Variants in RBBP8 observed in about 807,000 individuals in gnomAD.
RBBP8 encodes RB binding protein 8, endonuclease, also known as DNA endonuclease RBBP8.
RBBP8 carries 88 observed loss-of-function variants against 108.3 expected under a neutral mutation model. The ratio of observed to expected loss-of-function variants is 0.81; its 90% CI spans 0.68 to 0.97. The LOEUF is 0.97. Ranked by LOEUF, RBBP8 falls within the 50% of genes least tolerant of loss-of-function variation. The pLI is 0.00. For synonymous variants in RBBP8, 332 were observed against 348.2 expected (o/e 0.95, Z 0.52); for missense variants, 1,023 against 1,049.0 (o/e 0.98, Z 0.34).
chr18:23,012,858 A>G (rs936585776), intron 16 of RBBP8, among the ~76,000 whole-genome samples: 20 of 152,300 alleles, frequency 1.3e-4, no homozygotes, highest in East Asian at 3.9e-4. Flanking sequence ...CTGGCTTCAG[A>G]GCTTCAAAGG....
At chr18:22,959,507 T>A (rs190212169) in intron 4 of RBBP8, among the ~76,000 whole-genome samples, 91 of 152,280 alleles carry the variant, frequency 6.0e-4, no homozygotes, top group African/African-American at 2.1e-3. Context: ...TTTCTGCCAC[T>A]TTCTCTATTT....
chr18:22,944,823 C>T (rs1417672085), intron 2 of RBBP8, among the ~76,000 whole-genome samples: 2 of 152,226 alleles, frequency 1.3e-5, no homozygotes, highest in Middle Eastern at 3.4e-3. Context: ...TAAATCATTA[C>T]TATGGAGGGC....
Position 22,950,289 on chromosome 18 carries a change from G to A in RBBP8, c.248+576G>A, listed in dbSNP as rs1022892535. 2.6e-5 allele frequency among the ~76,000 whole-genome samples: 4 copies of A among 152,134 alleles called. No individual in the cohort carries two copies. The East Asian group carries it at 7.7e-4, about 29-fold the overall frequency. ...ACCTATAAACTACCTACCTGCTATAGTAAACAATATTCCAGCCAAGCGTGG... is the reference window on the plus strand; with the variant it reads ...ACCTATAAACTACCTACCTGCTATAATAAACAATATTCCAGCCAAGCGTGG... On this transcript the variant is annotated intron_variant, in intron 4 of 18. Coordinates refer to ENST00000327155, the MANE Select transcript of RBBP8 (RefSeq NM_002894.3).
intron 4 of RBBP8, among the ~76,000 whole-genome samples, chr18:22,961,951 A>G (rs1265180827): frequency 1.3e-5 from 2 of 152,180 alleles, no homozygotes; most frequent in Non-Finnish European, 2.9e-5. Flanking sequence ...CACTGATCTA[A>G]CTATCTATTC....
At chr18:22,996,679 T>C (rs545693747) in intron 13 of RBBP8, among the ~76,000 whole-genome samples, 1 of 152,316 alleles carries the variant, frequency 6.6e-6, no homozygotes, top group Non-Finnish European at 1.5e-5. Context: ...AGGCCTTTAC[T>C]GAAAAATATT....
Position 22,992,771 on chromosome 18 carries a change from C to G in RBBP8, c.944C>G (p.Thr315Ser). Residue 315 changes from threonine to serine, a missense_variant, in exon 11 of 19, where the codon ACT becomes AGT. Physicochemically the swap from Thr to Ser is moderately conservative, Grantham distance 58. Coordinates refer to ENST00000327155, the MANE Select transcript of RBBP8 (RefSeq NM_002894.3). The stretch of plus-strand genomic sequence containing the variant: ...AGATTTTCAGATTCTACTTCAAAGA[C>G]TCCTCCTCAAGAAGAATTACCTACT... ...SLRFSDSTSK[T>S]PPQEELPTRV... The G allele has an allele frequency of 6.3e-7, 1 of 1,593,720 alleles. No homozygotes were observed. The highest frequency in any genetic ancestry group is 1.1e-5 in the South Asian group (1 of 90,558).
intron 3 of RBBP8, among the ~76,000 whole-genome samples, chr18:22,919,672 C>T (rs1192877863): frequency 6.6e-6 from 1 of 152,160 alleles, no homozygotes; most frequent in African/African-American, 2.4e-5. Context: ...CTGCCTCAGA[C>T]TCTGGAGTAG....
chr18:22,934,865 G>A (rs1223174860), intron 1 of RBBP8: 1 of 151,566 alleles, frequency 6.6e-6, no homozygotes, highest in Admixed American at 6.6e-5. Flanking sequence ...ACTGCCTTAC[G>A]CCTCTTCCCC....
Position 22,936,893 on chromosome 18 carries a change from A to G in RBBP8, c.42A>G (p.Ala14=). The change falls in exon 2 of 19, where the codon GCA becomes GCG. Residue 14 remains alanine, a synonymous_variant. Coordinates refer to ENST00000327155, the MANE Select transcript of RBBP8 (RefSeq NM_002894.3). ...GCAGCTGTGGAAGCCCTAACTCTGCAGATACATCTAGTGACTTTAAGGACC... is the reference window on the plus strand; with the variant it reads ...GCAGCTGTGGAAGCCCTAACTCTGCGGATACATCTAGTGACTTTAAGGACC... The part of the protein sequence containing the change: ...SGSSCGSPNS[A]DTSSDFKDLW... The G allele has an allele frequency of 5.6e-6, 9 of 1,614,206 alleles. No homozygotes were observed. The highest frequency in any genetic ancestry group is 6.8e-6 in the Non-Finnish European group (8 of 1,180,040).
chr18:22,995,059 G>A (rs911970956), intron 12 of RBBP8, among the ~76,000 whole-genome samples: 5 of 151,278 alleles, frequency 3.3e-5, no homozygotes, highest in Non-Finnish European at 7.4e-5. Context: ...TTTTTTTTCA[G>A]CCACCAAACA....
intron 16 of RBBP8, among the ~76,000 whole-genome samples, chr18:23,007,633 G>C (rs2046077775): frequency 6.7e-6 from 1 of 148,426 alleles, no homozygotes; most frequent in Non-Finnish European, 1.5e-5. Flanking sequence ...GGGAGGTGGA[G>C]CTTGCAGTGT....
rs1243896674 is a variant in RBBP8, at chr18:22,993,571, G to A, written c.1744G>A (p.Ala582Thr). ...ATCATTACAAATAAAAGAAGAAAAT[G>A]CTGTCTTTAAAATTCCTCTACGTCC... ...KPSLQIKEEN[A>T]VFKIPLRPRE... Residue 582 changes from alanine (A) to threonine (T), a missense_variant, in exon 11 of 19, where the codon GCT (alanine) becomes ACT (threonine). Physicochemically the swap from Ala to Thr is moderately conservative, Grantham distance 58. Transcript: ENST00000327155. The A allele has an allele frequency of 6.2e-7, 1 of 1,613,634 alleles. No homozygotes were observed. Among genetic ancestry groups the A allele is most frequent in the East Asian group, 2.2e-5 (1 of 44,894 alleles).
rs752249409 is a variant in RBBP8, at chr18:23,001,751, T to C, written c.2287+22T>C. 23 of 1,613,758 alleles carry C rather than the reference T, an allele frequency of 1.4e-5. No individual in the cohort carries two copies. In the South Asian group the frequency reaches 2.4e-4, roughly 17 times the overall value. ...CACAGTAAGATTTTTTTCTGTTTAA[T>C]TATGGCTTCTCAGTTGCAGAATTCA... On this transcript the variant is annotated intron_variant, in intron 15 of 18. Coordinates refer to ENST00000327155, the MANE Select transcript of RBBP8 (RefSeq NM_002894.3).
At chr18:22,995,509 A>G (rs918756153) in intron 12 of RBBP8, among the ~76,000 whole-genome samples, 1 of 152,234 alleles carries the variant, frequency 6.6e-6, no homozygotes, top group African/African-American at 2.4e-5. Flanking sequence ...ATACCCACAG[A>G]GTTGTACAAC....
chr18:22,961,034 T>C (rs879286557), intron 4 of RBBP8, among the ~76,000 whole-genome samples: 95 of 152,364 alleles, frequency 6.2e-4, no homozygotes, highest in Non-Finnish European at 1.1e-3. Flanking sequence ...ATTGTAAAGA[T>C]TATTGGTAAA....
At position 22,977,337 on chromosome 18, in the gene RBBP8, T is replaced by C. The variant is rs1048977551; in HGVS notation, c.428+2118T>C. Among the ~76,000 whole-genome samples the C allele has an allele frequency of 1.4e-4, 21 of 152,048 alleles. No individual in the cohort carries two copies. In the South Asian group the frequency reaches 1.7e-3, roughly 12 times the overall value. On this transcript the variant is annotated intron_variant, in intron 6 of 18. Coordinates refer to ENST00000327155, the MANE Select transcript of RBBP8 (RefSeq NM_002894.3). ...CCCTGAACTTTAGAAGAAAATATTA[T>C]TTGACTTCTGCTTGTTAAATGCAGT...
At chr18:22,934,333 AG>A (rs1910310997) in intron 1 of RBBP8, 2 of 152,158 alleles carry the variant, frequency 1.3e-5, no homozygotes, top group Non-Finnish European at 1.5e-5. Flanking sequence ...TTTGTTTTTA[AG>A]GCACTGTACA....
At chr18:22,990,906 C>G in intron 9 of RBBP8, 31 bp from the exon 10 acceptor site, 1 of 1,492,170 alleles carries the variant, frequency 6.7e-7, no homozygotes, top group African/African-American at 1.4e-5. Flanking sequence ...AATCCCATTA[C>G]ATGGATGTGC....
chr18:23,023,869 CT>C (rs10655759), intron 18 of RBBP8, among the ~76,000 whole-genome samples: 1 of 86,118 alleles, frequency 1.2e-5, no homozygotes. Flanking sequence ...ATGAAGGGGC[CT>C]TTTTTTTTTT....
Sources: allele counts gnomAD v4.1 joint callset (sites outside exome capture counted in the v4.1 genomes callset), GRCh38; gene constraint gnomAD v4.1.1; transcripts MANE v1.5; gene names NCBI Gene and HGNC (gene_info 2026-07-23, HGNC 2026-07-21).